Variants in EFCAB6 observed in about 807,000 individuals in gnomAD.
EFCAB6 encodes the protein EF-hand calcium-binding domain-containing protein 6.
In EFCAB6, 156 loss-of-function variants were observed where a neutral mutation model predicts 169.8. The ratio of observed to expected loss-of-function variants is 0.92; its 90% confidence interval spans 0.81 to 1.05. The LOEUF is 1.05. EFCAB6 is among the 50% of genes least tolerant of loss of function. The pLI is 0.00. For synonymous variants in EFCAB6, 698 were observed against 676.4 expected (o/e 1.03, Z -0.50); for missense variants, 1,800 against 1,829.1 (o/e 0.98, Z 0.29).
chr22:43,742,695 C>T (rs965449258), intron 6 of EFCAB6, among the ~76,000 whole-genome samples: 3 of 152,238 alleles, frequency 2.0e-5, no homozygotes, highest in African/African-American at 7.2e-5. Context: ...CTGAGCCTGG[C>T]GCTGATTCCA....
In EFCAB6 at chr22:43,731,823, A is replaced by G. The variant is rs773367281; in HGVS notation, c.645-12T>C. ...AGTGTTTCGAAAACCTAAAATACAA[A>G]TGTTCTTTAGTAATGAGAAATTATG... is the stretch of plus-strand genomic sequence containing the variant. On this transcript the variant is annotated splice_polypyrimidine_tract_variant and intron_variant, in intron 7 of 31. Coordinates refer to ENST00000262726, the MANE Select transcript of EFCAB6 (RefSeq NM_022785.4). The G allele has an allele frequency of 6.6e-7, 1 of 1,515,198 alleles. No homozygotes were observed. The highest frequency in any genetic ancestry group is 1.3e-5 in the South Asian group (1 of 77,410). 93.9% of individuals were successfully genotyped at this position (1,515,198 alleles called of 1,614,324 possible).
chr22:43,616,116 TG>T (rs2053668181), intron 20 of EFCAB6, among the ~76,000 whole-genome samples, 194 bp from the exon 21 acceptor site: 1 of 152,252 alleles, frequency 6.6e-6, no homozygotes, highest in African/African-American at 2.4e-5. Flanking sequence ...TCTTAAATTT[TG>T]TAAGTCCTTG....
At chr22:43,693,016 A>G (rs1330526466) in intron 10 of EFCAB6, among the ~76,000 whole-genome samples, 2 of 152,214 alleles carry the variant, frequency 1.3e-5, no homozygotes, top group Non-Finnish European at 2.9e-5. Context: ...CATTAGGTAC[A>G]GGAAGATGCC....
chr22:43,685,454 G>C (rs1314215095), intron 11 of EFCAB6, among the ~76,000 whole-genome samples: 1 of 152,184 alleles, frequency 6.6e-6, no homozygotes, highest in Non-Finnish European at 1.5e-5. Flanking sequence ...CGCTGCCTTG[G>C]ACATCGGAAA....
intron 3 of EFCAB6, among the ~76,000 whole-genome samples, chr22:43,780,177 C>G (rs1033493901): frequency 6.6e-6 from 1 of 152,018 alleles, no homozygotes; most frequent in East Asian, 1.9e-4. Context: ...TCTGGTGGTA[C>G]TCATTAGGAA....
intron 17 of EFCAB6, among the ~76,000 whole-genome samples, chr22:43,637,517 G>T (rs2055501605): frequency 6.6e-6 from 1 of 152,232 alleles, no homozygotes; most frequent in Admixed American, 6.5e-5. Context: ...CTTCCTGCGT[G>T]TGGAGGTTAA....
chr22:43,640,850 G>A (rs1023749451), intron 17 of EFCAB6, among the ~76,000 whole-genome samples: 1 of 152,162 alleles, frequency 6.6e-6, no homozygotes, highest in Non-Finnish European at 1.5e-5. Context: ...TCCAGTAGAA[G>A]CTTACATAGC....
At chr22:43,560,855 G>T (rs2048984649) in intron 26 of EFCAB6, among the ~76,000 whole-genome samples, 2 of 152,174 alleles carry the variant, frequency 1.3e-5, no homozygotes, top group African/African-American at 4.8e-5. Context: ...CACGGTCCAG[G>T]TCATGGTGAT....
intron 17 of EFCAB6, among the ~76,000 whole-genome samples, chr22:43,656,027 A>G (rs1006316412): frequency 1.3e-5 from 2 of 152,232 alleles, no homozygotes; most frequent in African/African-American, 4.8e-5. Flanking sequence ...GGATCTCACT[A>G]GACAAACCTA....
chr22:43,746,067 G>C (rs1324716861), intron 6 of EFCAB6, among the ~76,000 whole-genome samples: 1 of 152,142 alleles, frequency 6.6e-6, no homozygotes, highest in Admixed American at 6.5e-5. Flanking sequence ...AACCAGATAG[G>C]AAAAAATTAG....
At chr22:43,798,208 A>AC (rs1396804579) in intron 2 of EFCAB6, among the ~76,000 whole-genome samples, 1 of 152,002 alleles carries the variant, frequency 6.6e-6, no homozygotes. Context: ...AGATGGTGAA[A>AC]CCCCATCTCT....
intron 6 of EFCAB6, among the ~76,000 whole-genome samples, chr22:43,741,251 C>T (rs1569460806): frequency 6.6e-6 from 1 of 152,060 alleles, no homozygotes; most frequent in Non-Finnish European, 1.5e-5. Context: ...TGCTGACCGA[C>T]TTTGAATTCA....
At chr22:43,774,835 C>T (rs960624508) in intron 3 of EFCAB6, among the ~76,000 whole-genome samples, 12 of 151,574 alleles carry the variant, frequency 7.9e-5, no homozygotes, top group African/African-American at 2.4e-4. Flanking sequence ...CAAGAGATGA[C>T]GGGAAAAGTC....
chr22:43,580,451 C>G lies in EFCAB6; in HGVS notation c.3228+13G>C, dbSNP rs779614597. 3.7e-6 allele frequency: 6 copies of G among 1,612,824 alleles called. No homozygotes were observed. The Admixed American group carries it at 8.3e-5, about 22-fold the overall frequency. On this transcript the variant is annotated intron_variant, in intron 25 of 31. Transcript: ENST00000262726. Reference sequence around the variant, plus strand: ...ATGAGTTTTCACAGTAAAGCACTTTCAGCCTGTCATACCGTGGACAAAGCC... The same window carrying G: ...ATGAGTTTTCACAGTAAAGCACTTTGAGCCTGTCATACCGTGGACAAAGCC...
intron 20 of EFCAB6, among the ~76,000 whole-genome samples, chr22:43,625,776 T>G (rs1157150318): frequency 1.3e-5 from 2 of 152,224 alleles, no homozygotes; most frequent in Non-Finnish European, 2.9e-5. Context: ...TTCCCCAAAT[T>G]CACAGCCATC....
rs758203604 is a variant in EFCAB6 at position 43,554,980 on chromosome 22, A to G, written c.3537T>C (p.His1179=). 6.2e-7 allele frequency: 1 copy of G among 1,614,144 alleles called. No homozygotes were observed. Among genetic ancestry groups the G allele is most frequent in the Non-Finnish European group, 8.5e-7 (1 of 1,180,012 alleles). The part of the protein sequence containing the change: ...RLHKAVTSHY[H]AITQEFENFD... ...AATTCTCAAACTCCTGGGTGATGGC[A>G]TGGTAATGGGAAGTCACTGCTTTGT... The change falls in exon 27 of 32, where the codon CAT becomes CAC. Residue 1179 remains histidine (H), a synonymous_variant. Coordinates refer to ENST00000262726, the MANE Select transcript of EFCAB6 (RefSeq NM_022785.4).
At chr22:43,717,586 T>G (rs1467834111) in intron 8 of EFCAB6, among the ~76,000 whole-genome samples, 1 of 152,178 alleles carries the variant, frequency 6.6e-6, no homozygotes, top group Non-Finnish European at 1.5e-5. Context: ...AATAAATGTA[T>G]GGACTACTCA....
intron 10 of EFCAB6, among the ~76,000 whole-genome samples, chr22:43,688,217 A>G (rs1279671257): frequency 6.6e-6 from 1 of 152,218 alleles, no homozygotes; most frequent in African/African-American, 2.4e-5. Context: ...GCCTCTAGAA[A>G]AAGCAAATGA....
chr22:43,810,063 TG>T (rs142279202), intron 1 of EFCAB6, among the ~76,000 whole-genome samples: 4 of 151,116 alleles, frequency 2.6e-5, no homozygotes, highest in African/African-American at 9.7e-5. Flanking sequence ...ACCATAGATA[TG>T]GGGGGGGTCT....
Sources: gnomAD v4.1 joint callset for allele counts (sites outside exome capture counted in the v4.1 genomes callset) on GRCh38, gnomAD v4.1.1 for gene constraint, MANE v1.5 for transcripts, NCBI Gene and HGNC (gene_info 2026-07-23, HGNC 2026-07-21) for gene names.